MOGAT1: variants seen among roughly 807,000 people sequenced by gnomAD.
MOGAT1 encodes the protein 2-acylglycerol O-acyltransferase 1.
In MOGAT1, 32 loss-of-function variants were observed where a neutral mutation model predicts 31.4. That is an observed-to-expected ratio of 1.02 (90% CI 0.77 to 1.37). The LOEUF (loss-of-function observed/expected upper bound fraction) is 1.37. Among genes scored for constraint, MOGAT1 ranks in the 40% most tolerant of loss-of-function variants. MOGAT1 has a pLI of 0.00. For synonymous variants in MOGAT1, 145 were observed against 144.5 expected (o/e 1.00, Z -0.03); for missense variants, 426 against 402.0 (o/e 1.06, Z -0.51).
chr2:222,673,198 C>T (rs998655103), intron 1 of MOGAT1, among the ~76,000 whole-genome samples: 4 of 151,564 alleles, frequency 2.6e-5, no homozygotes, highest in Non-Finnish European at 5.9e-5. Flanking sequence ...CAGGCGTGAG[C>T]CACCGCGCCC....
intron 5 of MOGAT1, among the ~76,000 whole-genome samples, chr2:222,701,474 GAGAA>G (rs1362625953): frequency 3.3e-4 from 48 of 144,000 alleles, no homozygotes; most frequent in South Asian, 1.1e-3. Flanking sequence ...AAGAAAGAAA[GAGAA>G]AGAAAGAAAG....
chr2:222,684,752 T>G (rs374886416), intron 1 of MOGAT1, among the ~76,000 whole-genome samples: 1 of 152,078 alleles, frequency 6.6e-6, no homozygotes, highest in Admixed American at 6.6e-5. Flanking sequence ...AATTTTTGTA[T>G]TTTTAGTAGA....
At chr2:222,702,988 C>A (rs1025930498) in intron 5 of MOGAT1, among the ~76,000 whole-genome samples, 1 of 151,990 alleles carries the variant, frequency 6.6e-6, no homozygotes, top group Non-Finnish European at 1.5e-5. Flanking sequence ...GGTGTTGTAG[C>A]GGAGGCAAAA....
chr2:222,697,112 G>C (rs1692847943), intron 5 of MOGAT1, among the ~76,000 whole-genome samples: 1 of 152,112 alleles, frequency 6.6e-6, no homozygotes, highest in South Asian at 2.1e-4. Context: ...GAGGATTGGA[G>C]AGCTAAAATG....
At chr2:222,684,887 T>G (rs1359189780) in intron 1 of MOGAT1, among the ~76,000 whole-genome samples, 4 of 152,204 alleles carry the variant, frequency 2.6e-5, no homozygotes. Flanking sequence ...ATTTTACTTC[T>G]TATTATCTTA....
At chr2:222,690,085 T>C in intron 3 of MOGAT1, among the ~76,000 whole-genome samples, 1 of 152,016 alleles carries the variant, frequency 6.6e-6, no homozygotes, top group East Asian at 1.9e-4. Context: ...CAAAACCCTG[T>C]CTCTACAAAA....
intron 5 of MOGAT1, among the ~76,000 whole-genome samples, chr2:222,704,549 G>A (rs1270583353): frequency 6.6e-6 from 1 of 151,930 alleles, no homozygotes; most frequent in African/African-American, 2.4e-5. Flanking sequence ...GCGTGAACCC[G>A]GGAGGCGGAG....
chr2:222,685,031 G>A lies in MOGAT1; in HGVS notation c.95-3313G>A, dbSNP rs544354158. On this transcript the variant is annotated intron_variant, in intron 1 of 5. Coordinates refer to ENST00000446656, the MANE Select transcript of MOGAT1 (RefSeq NM_058165.3). ...GTAATCAATAGAATATTGATCAGTC[G>A]TTAAAAATAACATTGTAATACCAAA... Among the ~76,000 whole-genome samples, 20 of 152,062 alleles carry A rather than the reference G, an allele frequency of 1.3e-4. 1 individual carries two copies. The highest frequency in any genetic ancestry group is 6.2e-4 in the South Asian group (3 of 4,832).
At chr2:222,685,598 CT>C (rs574124301) in intron 1 of MOGAT1, among the ~76,000 whole-genome samples, 4,533 of 119,884 alleles carry the variant, frequency 0.038, 142 homozygotes, top group African/African-American at 0.13. Context: ...TCTTCTTCTT[CT>C]TTTTTTTTTT....
At chr2:222,703,386 G>T (rs1483577026) in intron 5 of MOGAT1, among the ~76,000 whole-genome samples, 1 of 151,848 alleles carries the variant, frequency 6.6e-6, no homozygotes, top group Non-Finnish European at 1.5e-5. Context: ...GTACCTGAGG[G>T]TTTTTTTGTT....
At chr2:222,691,431 A>G (rs953506542) in intron 3 of MOGAT1, among the ~76,000 whole-genome samples, 6 of 151,304 alleles carry the variant, frequency 4.0e-5, no homozygotes, top group Non-Finnish European at 8.8e-5. Context: ...CTGGTCAAGA[A>G]CTCCTGACCT....
chr2:222,671,709 G>C lies in MOGAT1; in HGVS notation c.-77G>C. The C allele has an allele frequency of 1.6e-6, 2 of 1,255,040 alleles. No homozygotes were observed. The highest frequency in any genetic ancestry group is 1.3e-5 in the South Asian group (1 of 76,150). The allele number at this position is 1,255,040 out of a possible 1,614,324, so 77.7% of individuals were successfully genotyped here. A position where few individuals can be genotyped will look rare whatever the true frequency, so the allele number is the denominator to read the frequency against. On this transcript the variant is annotated 5_prime_UTR_variant, in exon 1 of 6. Transcript: ENST00000446656. ...CCCAGCGCGGGGCCCGGATCCGGCCGGGCACTTCCCACAGGCGCCGCAGAG... is the reference window on the plus strand; with the variant it reads ...CCCAGCGCGGGGCCCGGATCCGGCCCGGCACTTCCCACAGGCGCCGCAGAG...
intron 1 of MOGAT1, among the ~76,000 whole-genome samples, chr2:222,678,950 A>G (rs1466661665): frequency 6.6e-6 from 1 of 152,226 alleles, no homozygotes. Flanking sequence ...CGTCTCAAAA[A>G]AAAAAGTTCT....
rs79209871 is a variant in MOGAT1, at chr2:222,689,473, A to T, written c.478+4A>T. On this transcript the variant is annotated splice_donor_region_variant and intron_variant, in intron 3 of 5. Coordinates refer to ENST00000446656, the MANE Select transcript of MOGAT1 (RefSeq NM_058165.3). ...CGAGAATATGTGATGAGTGTTGGTA[A>T]GTGATGGCAGATCACTGTTTCCACA... The T allele has an allele frequency of 1.6e-3, 2,620 of 1,613,218 alleles. 36 individuals carry two copies. In the African/African-American group the frequency reaches 0.031, roughly 19 times the overall value.
At chr2:222,704,203 A>G (rs1692970427) in intron 5 of MOGAT1, among the ~76,000 whole-genome samples, 1 of 152,170 alleles carries the variant, frequency 6.6e-6, no homozygotes, top group Non-Finnish European at 1.5e-5. Flanking sequence ...TTTGTTTTGT[A>G]AAAAGGGAGT....
At chr2:222,695,890 AT>A (rs1232116666) in intron 5 of MOGAT1, among the ~76,000 whole-genome samples, 1 of 151,892 alleles carries the variant, frequency 6.6e-6, no homozygotes, top group African/African-American at 2.4e-5. Flanking sequence ...TCCACCCAAT[AT>A]GTAGTCTTTT....
chr2:222,709,798 C>A lies in MOGAT1; in HGVS notation c.916C>A (p.His306Asn). 6.2e-7 allele frequency: 1 copy of A among 1,613,552 alleles called. No individual in the cohort carries two copies. Among genetic ancestry groups the A allele is most frequent in the Non-Finnish European group, 8.5e-7 (1 of 1,179,684 alleles). ...GACCCAGGAGCAGATTGAGGAGTTA[C>A]ATCAGACCTATATGGAGGAACTTAG... ...NPTQEQIEEL[H>N]QTYMEELRKL... Residue 306 changes from histidine (H) to asparagine (N), a missense_variant, in exon 6 of 6, where the codon CAT (histidine) becomes AAT (asparagine). By Grantham distance (68) the His-to-Asn change is moderately conservative (BLOSUM62 1). Coordinates refer to ENST00000446656, the MANE Select transcript of MOGAT1 (RefSeq NM_058165.3).
chr2:222,672,643 A>AAAGGGGTTAAACTGCGGGGC, intron 1 of MOGAT1, among the ~76,000 whole-genome samples: 1 of 151,880 alleles, frequency 6.6e-6, no homozygotes, highest in East Asian at 1.9e-4. Flanking sequence ...TTTGGGGGAG[A>AAAGGGGTTAAACTGCGGGGC]CCCTTCTATT....
At chr2:222,704,269 A>G (rs1692970983) in intron 5 of MOGAT1, among the ~76,000 whole-genome samples, 1 of 152,076 alleles carries the variant, frequency 6.6e-6, no homozygotes, top group Non-Finnish European at 1.5e-5. Flanking sequence ...TCTCCTTAGT[A>G]CTAAAAAGAT....
Sources: allele counts gnomAD v4.1 joint callset (sites outside exome capture counted in the v4.1 genomes callset), GRCh38; gene constraint gnomAD v4.1.1; transcripts MANE v1.5; gene names NCBI Gene and HGNC (gene_info 2026-07-23, HGNC 2026-07-21).